Variants in AFF3 observed in about 807,000 individuals in gnomAD.
AFF3 encodes ALF transcription elongation factor 3.
Under a neutral mutation model 129.7 loss-of-function variants are expected in AFF3, and 32 were observed. That is an observed-to-expected ratio of 0.25 (90% CI 0.19 to 0.33). The LOEUF is 0.33. AFF3 is among the 10% of genes least tolerant of loss of function. The pLI is 1.00. For missense variants in AFF3, 1,373 were observed against 1,592.0 expected, an observed-to-expected ratio of 0.86 and a Z score of 2.34; for synonymous variants, 644 against 635.4, an observed-to-expected ratio of 1.01 and a Z score of -0.20.
intron 7 of AFF3, among the ~76,000 whole-genome samples, chr2:99,848,920 C>T (rs191735100): frequency 1.0e-3 from 155 of 152,220 alleles, no homozygotes; most frequent in African/African-American, 3.7e-3. Context: ...AAAGAGGACA[C>T]TCGGAAACCT....
intron 8 of AFF3, among the ~76,000 whole-genome samples, chr2:99,827,424 C>T (rs575442323): frequency 1.3e-5 from 2 of 152,190 alleles, no homozygotes; most frequent in South Asian, 4.1e-4. Context: ...CAGTCAGCAA[C>T]ATCAAATGCC....
chr2:99,949,238 A>G (rs1190198273), intron 7 of AFF3, among the ~76,000 whole-genome samples: 2 of 152,250 alleles, frequency 1.3e-5, no homozygotes, highest in African/African-American at 4.8e-5. Flanking sequence ...ACATCCATTT[A>G]GGATATTTTA....
intron 2 of AFF3, among the ~76,000 whole-genome samples, chr2:100,108,942 A>C: frequency 7.6e-6 from 1 of 132,098 alleles, no homozygotes; most frequent in Non-Finnish European, 1.6e-5. Context: ...TTTTAACAAA[A>C]CCAGGTTTTT....
intron 7 of AFF3, among the ~76,000 whole-genome samples, chr2:99,952,147 G>A (rs1252802003): frequency 6.6e-6 from 1 of 152,140 alleles, no homozygotes; most frequent in Admixed American, 6.5e-5. Context: ...GGCCTGATGG[G>A]AGGTGACTGG....
intron 8 of AFF3, among the ~76,000 whole-genome samples, chr2:99,761,096 G>T (rs1223018055): frequency 6.6e-6 from 1 of 151,554 alleles, no homozygotes; most frequent in African/African-American, 2.4e-5. Context: ...ATGGAACTGA[G>T]AATCCACGTA....
chr2:100,133,390 C>T (rs1286204790), intron 1 of AFF3, among the ~76,000 whole-genome samples: 3 of 151,898 alleles, frequency 2.0e-5, no homozygotes, highest in Admixed American at 1.3e-4. Flanking sequence ...ATGTATGTTT[C>T]GTTGTTTGTT....
intron 15 of AFF3, among the ~76,000 whole-genome samples, chr2:99,592,345 A>G (rs1198019121): frequency 6.6e-6 from 1 of 152,056 alleles, no homozygotes; most frequent in African/African-American, 2.4e-5. Flanking sequence ...TCCACCATGA[A>G]GCCCTCCTTG....
intron 4 of AFF3, among the ~76,000 whole-genome samples, chr2:100,060,815 T>C (rs1293552818): frequency 6.6e-6 from 1 of 152,144 alleles, no homozygotes; most frequent in Non-Finnish European, 1.5e-5. Context: ...TACACTTTCT[T>C]TGGATTTCAC....
Position 99,868,974 on chromosome 2 carries a change from G to T in AFF3, c.874-31450C>A, listed in dbSNP as rs556683992. ...TGCATGGCTAACATTTTTATTTTTT[G>T]TAGAGATGGTCTCGCTTTGTTGCCC... On this transcript the variant is annotated intron_variant, in intron 7 of 24. Coordinates refer to ENST00000672756, the MANE Select transcript of AFF3 (RefSeq NM_001386135.1). 7.9e-5 allele frequency among the ~76,000 whole-genome samples: 12 copies of T among 152,168 alleles called. No individual in the cohort carries two copies. In the East Asian group the frequency reaches 2.1e-3, roughly 27 times the overall value.
chr2:99,989,435 C>T (rs72955703), intron 7 of AFF3, among the ~76,000 whole-genome samples: 1,857 of 152,298 alleles, frequency 0.012, 30 homozygotes, highest in African/African-American at 0.042. Context: ...ACACTGCAGT[C>T]CTAGATCTGT....
chr2:99,727,610 G>A (rs1679466658), intron 10 of AFF3, among the ~76,000 whole-genome samples: 1 of 149,138 alleles, frequency 6.7e-6, no homozygotes, highest in Non-Finnish European at 1.5e-5. Context: ...CACCCAGGCT[G>A]GAGTGCAGTG....
chr2:99,887,452 G>C (rs1319957220), intron 7 of AFF3, among the ~76,000 whole-genome samples: 1 of 152,290 alleles, frequency 6.6e-6, no homozygotes, highest in Admixed American at 6.5e-5. Context: ...TGTTAATTTA[G>C]AATCTAGTTT....
At chr2:100,119,621 G>GCAGGCAATGTGCACACATTCTCT (rs1691869802) in intron 2 of AFF3, among the ~76,000 whole-genome samples, 1 of 152,182 alleles carries the variant, frequency 6.6e-6, no homozygotes, top group Non-Finnish European at 1.5e-5. Context: ...TAATAAAGTG[G>GCAGGCAATGTGCACACATTCTCT]CAGGCAATGT....
At chr2:99,882,925 G>A (rs1692830220) in intron 7 of AFF3, among the ~76,000 whole-genome samples, 1 of 152,200 alleles carries the variant, frequency 6.6e-6, no homozygotes, top group Non-Finnish European at 1.5e-5. Context: ...TGTTGATAGG[G>A]CCCGGTGCAG....
chr2:99,631,659 C>T (rs1229761974), intron 13 of AFF3, among the ~76,000 whole-genome samples: 1 of 152,184 alleles, frequency 6.6e-6, no homozygotes, highest in Non-Finnish European at 1.5e-5. Context: ...AAGATTCATC[C>T]GTGTTGCAGC....
At chr2:99,830,749 C>A (rs1008006157) in intron 8 of AFF3, among the ~76,000 whole-genome samples, 1 of 152,136 alleles carries the variant, frequency 6.6e-6, no homozygotes, top group Non-Finnish European at 1.5e-5. Flanking sequence ...AAGACAAAAA[C>A]AAAAACAAAA....
chr2:99,579,280 C>T (rs1677290461), intron 17 of AFF3, among the ~76,000 whole-genome samples: 1 of 151,958 alleles, frequency 6.6e-6, no homozygotes, highest in Non-Finnish European at 1.5e-5. Context: ...TGATACATGC[C>T]TGCAATCCCA....
intron 4 of AFF3, among the ~76,000 whole-genome samples, chr2:100,025,643 A>C (rs1683973068): frequency 6.6e-6 from 1 of 152,242 alleles, no homozygotes. Flanking sequence ...ACCTGATTTC[A>C]AACTATACTA....
chr2:99,640,768 C>T (rs1684121519), intron 13 of AFF3, among the ~76,000 whole-genome samples: 1 of 152,162 alleles, frequency 6.6e-6, no homozygotes, highest in South Asian at 2.1e-4. Context: ...GGTTCTTGCT[C>T]TCAGTAGTTA....
Sources: gnomAD v4.1 joint callset for allele counts (sites outside exome capture counted in the v4.1 genomes callset) on GRCh38, gnomAD v4.1.1 for gene constraint, MANE v1.5 for transcripts, NCBI Gene and HGNC (gene_info 2026-07-23, HGNC 2026-07-21) for gene names.